The following MSRA variants were observed in gnomAD, a reference collection of about 807,000 sequenced individuals.
MSRA encodes the protein mitochondrial peptide methionine sulfoxide reductase.
Under a neutral mutation model 31.3 loss-of-function variants are expected in MSRA, and 54 were observed. That is an observed-to-expected ratio of 1.73 (90% CI 1.39 to 2.17). The LOEUF is 2.17. MSRA is among the 30% of genes most tolerant of loss of function. The pLI is 0.00. For missense variants in MSRA, 507 were observed against 300.9 expected (o/e 1.69, Z -5.07); for synonymous variants, 169 against 116.5 (o/e 1.45, Z -2.90).
intron 5 of MSRA, among the ~76,000 whole-genome samples, chr8:10,409,408 A>G (rs1176203253): frequency 6.6e-6 from 1 of 152,218 alleles, no homozygotes; most frequent in Non-Finnish European, 1.5e-5. Context: ...AGATCATGTA[A>G]GGTCTCTTGT....
At chr8:10,213,365 A>C (rs62491577) in intron 2 of MSRA, among the ~76,000 whole-genome samples, 1 of 150,740 alleles carries the variant, frequency 6.6e-6, no homozygotes, top group East Asian at 2.0e-4. Flanking sequence ...TGCACTATGC[A>C]CTATGACAGG....
At chr8:10,254,129 C>T (rs576336896) in intron 3 of MSRA, among the ~76,000 whole-genome samples, 2 of 152,046 alleles carry the variant, frequency 1.3e-5, no homozygotes, top group African/African-American at 4.8e-5. Context: ...GCCTCTGAGG[C>T]GTGGAATTGT....
chr8:10,396,153 C>A (rs936594069), intron 5 of MSRA, among the ~76,000 whole-genome samples: 1 of 152,154 alleles, frequency 6.6e-6, no homozygotes, highest in Admixed American at 6.5e-5. Flanking sequence ...TTTACTGGGG[C>A]CACTTTCCGT....
intron 1 of MSRA, among the ~76,000 whole-genome samples, chr8:10,126,339 A>G (rs1801493031): frequency 6.6e-6 from 1 of 152,142 alleles, no homozygotes; most frequent in African/African-American, 2.4e-5. Flanking sequence ...CTGAAATGCA[A>G]AGGAAGTAAA....
At chr8:10,147,722 C>T (rs1803271518) in intron 1 of MSRA, among the ~76,000 whole-genome samples, 1 of 152,176 alleles carries the variant, frequency 6.6e-6, no homozygotes, top group African/African-American at 2.4e-5. Context: ...ACCACCAGCT[C>T]ACAGGCAGGG....
chr8:10,150,851 C>A (rs575557847), intron 1 of MSRA, among the ~76,000 whole-genome samples: 2 of 152,292 alleles, frequency 1.3e-5, no homozygotes, highest in South Asian at 4.2e-4. Flanking sequence ...AGCATCGTTT[C>A]TGCTGCTCTT....
intron 3 of MSRA, among the ~76,000 whole-genome samples, chr8:10,268,191 G>C (rs1003215703): frequency 2.0e-5 from 3 of 152,156 alleles, no homozygotes; most frequent in Admixed American, 6.5e-5. Context: ...TGGAGGAGAT[G>C]GACACGTGTG....
Position 10,428,064 on chromosome 8 carries a change from G to A in MSRA, c.544-84G>A. 2.0e-6 allele frequency: 3 copies of A among 1,471,216 alleles called. 1 individual carries two copies. Among genetic ancestry groups the A allele is most frequent in the Non-Finnish European group, 2.7e-6 (3 of 1,096,614 alleles). The allele number at this position is 1,471,216 out of a possible 1,614,324, so 91.1% of individuals were successfully genotyped here. A position where few individuals can be genotyped will look rare whatever the true frequency, so the allele number is the denominator to read the frequency against. On this transcript the variant is annotated intron_variant, in intron 5 of 5. Transcript: ENST00000317173. The stretch of plus-strand genomic sequence containing the variant: ...ATCCCAAGCCACGCGTCTGCTCACT[G>A]CAGCCCTGGCCCCTCAGTGCCACCC...
At chr8:10,290,417 C>T (rs562011621) in intron 3 of MSRA, among the ~76,000 whole-genome samples, 1 of 152,130 alleles carries the variant, frequency 6.6e-6, no homozygotes, top group African/African-American at 2.4e-5. Flanking sequence ...CTTTCAGGTC[C>T]CTTACAATTC....
intron 5 of MSRA, among the ~76,000 whole-genome samples, chr8:10,347,030 A>G (rs989095895): frequency 2.0e-5 from 3 of 152,130 alleles, no homozygotes; most frequent in Non-Finnish European, 4.4e-5. Flanking sequence ...TCCACACCCC[A>G]TCATTCTGGC....
intron 5 of MSRA, among the ~76,000 whole-genome samples, chr8:10,383,822 G>A (rs999609609): frequency 7.2e-5 from 11 of 152,034 alleles, no homozygotes; most frequent in Non-Finnish European, 1.5e-4. Flanking sequence ...TTCATTTTGG[G>A]GACTTCTGCT....
intron 5 of MSRA, among the ~76,000 whole-genome samples, chr8:10,422,197 G>A (rs1295232151): frequency 2.0e-5 from 3 of 152,200 alleles, no homozygotes; most frequent in African/African-American, 7.2e-5. Context: ...GAGGTACAAG[G>A]ATCGCTTGAG....
chr8:10,348,088 T>C (rs1803897674), intron 5 of MSRA, among the ~76,000 whole-genome samples: 1 of 152,176 alleles, frequency 6.6e-6, no homozygotes, highest in Admixed American at 6.5e-5. Flanking sequence ...TTAAGGTGGG[T>C]TCATCCTTAG....
intron 1 of MSRA, among the ~76,000 whole-genome samples, chr8:10,066,429 A>G (rs895057291): frequency 6.6e-6 from 1 of 152,178 alleles, no homozygotes; most frequent in Non-Finnish European, 1.5e-5. Context: ...ATACACACAC[A>G]CGCACAATTG....
intron 1 of MSRA, among the ~76,000 whole-genome samples, chr8:10,065,708 G>C (rs1386622193): frequency 6.6e-6 from 1 of 152,234 alleles, no homozygotes; most frequent in Non-Finnish European, 1.5e-5. Context: ...TGAAGTCTGG[G>C]CTTCATTTTG....
At chr8:10,401,501 A>G (rs1807461564) in intron 5 of MSRA, among the ~76,000 whole-genome samples, 1 of 152,230 alleles carries the variant, frequency 6.6e-6, no homozygotes, top group Non-Finnish European at 1.5e-5. Context: ...GGAAACAGTT[A>G]GACAGTTCCT....
chr8:10,148,380 G>A (rs1157364156), intron 1 of MSRA, among the ~76,000 whole-genome samples: 2 of 151,710 alleles, frequency 1.3e-5, no homozygotes, highest in East Asian at 1.9e-4. Flanking sequence ...AGGCACGGTG[G>A]CTCATGCCTG....
intron 1 of MSRA, among the ~76,000 whole-genome samples, chr8:10,101,931 C>CT (rs972147274): frequency 3.9e-5 from 6 of 152,080 alleles, no homozygotes; most frequent in African/African-American, 1.2e-4. Flanking sequence ...TTGACAATTT[C>CT]TTTTTTTTCA....
chr8:10,252,800 A>G (rs537611965), intron 3 of MSRA, among the ~76,000 whole-genome samples: 1 of 152,350 alleles, frequency 6.6e-6, no homozygotes, highest in South Asian at 2.1e-4. Context: ...TGCAATAAGT[A>G]AAACATGCAC....
Sources: gnomAD v4.1 joint callset for allele counts (sites outside exome capture counted in the v4.1 genomes callset) on GRCh38, gnomAD v4.1.1 for gene constraint, MANE v1.5 for transcripts, NCBI Gene and HGNC (gene_info 2026-07-23, HGNC 2026-07-21) for gene names.